The following IL1RAPL2 variants were observed in gnomAD, a reference collection of about 807,000 sequenced individuals.
The protein encoded by IL1RAPL2 is X-linked interleukin-1 receptor accessory protein-like 2.
In IL1RAPL2, 3 loss-of-function variants were observed where a neutral mutation model predicts 44.1. The ratio of observed to expected loss-of-function variants is 0.07; its 90% CI spans 0.03 to 0.18. IL1RAPL2 has a LOEUF of 0.18. Ranked by LOEUF, IL1RAPL2 falls within the 10% of genes least tolerant of loss-of-function variation. The probability of loss-of-function intolerance (pLI) is 1.00; values close to 1 mark genes in which losing one functional copy is unlikely to be tolerated. For missense variants in IL1RAPL2, 391 were observed against 496.4 expected (o/e 0.79, Z 2.02); for synonymous variants, 181 against 178.8 (o/e 1.01, Z -0.10).
chrX:105,326,259 G>A (rs1028644148), intron 5 of IL1RAPL2, among the ~76,000 whole-genome samples: 1 of 110,424 alleles, frequency 9.1e-6, no homozygotes, highest in Non-Finnish European at 1.9e-5. Context: ...GTCTCACTAT[G>A]TTGTCCAGGC....
intron 2 of IL1RAPL2, among the ~76,000 whole-genome samples, chrX:104,780,341 T>G (rs1932764103): frequency 8.9e-6 from 1 of 112,227 alleles, no homozygotes; most frequent in South Asian, 3.7e-4. Context: ...CTGGTGTCTC[T>G]GTAATCACAG....
At chrX:105,074,927 T>A (rs2032268783) in intron 2 of IL1RAPL2, among the ~76,000 whole-genome samples, 1 of 111,331 alleles carries the variant, frequency 9.0e-6, no homozygotes, top group Non-Finnish European at 1.9e-5. Context: ...CTTATCAGCT[T>A]GAGGAGATTT....
intron 4 of IL1RAPL2, among the ~76,000 whole-genome samples, chrX:105,265,650 C>T (rs2034396229): frequency 9.0e-6 from 1 of 111,200 alleles, no homozygotes; most frequent in African/African-American, 3.3e-5. Context: ...GAACATAAAG[C>T]AAGCATATCT....
chrX:105,123,304 T>G lies in IL1RAPL2; in HGVS notation c.83-72171T>G, dbSNP rs2032943826. ...TTATTCCTGCAATATTCTTTAAATA[T>G]ATAAGAATTTATTTTCATATCAGGG... On this transcript the variant is annotated intron_variant, in intron 2 of 10. Coordinates refer to ENST00000372582, the MANE Select transcript of IL1RAPL2 (RefSeq NM_017416.2). Among the ~76,000 whole-genome samples, 3 of 111,204 alleles carry G rather than the reference T, an allele frequency of 2.7e-5. No homozygotes were observed. In the South Asian group the frequency reaches 1.1e-3, roughly 42 times the overall value.
At chrX:104,876,278 A>C (rs1373495014) in intron 2 of IL1RAPL2, among the ~76,000 whole-genome samples, 1 of 111,624 alleles carries the variant, frequency 9.0e-6, no homozygotes, top group Non-Finnish European at 1.9e-5. Flanking sequence ...CATTTAGCAC[A>C]TGGACCATGC....
At chrX:105,703,120 T>A (rs771661832) in intron 6 of IL1RAPL2, among the ~76,000 whole-genome samples, 46 of 111,817 alleles carry the variant, frequency 4.1e-4, no homozygotes, top group African/African-American at 1.4e-3. Context: ...GTTTTCTTAA[T>A]CTCAGCACTA....
intron 2 of IL1RAPL2, among the ~76,000 whole-genome samples, chrX:104,895,956 T>C (rs1003995208): frequency 8.9e-6 from 1 of 111,951 alleles, no homozygotes; most frequent in African/African-American, 3.2e-5. Context: ...TTGGCAGCAG[T>C]GACTCTCCAA....
At chrX:105,272,138 G>C (rs765969382) in intron 5 of IL1RAPL2, among the ~76,000 whole-genome samples, 1 of 85,945 alleles carries the variant, frequency 1.2e-5, no homozygotes, top group Non-Finnish European at 2.3e-5. Flanking sequence ...GTGGTGGGGT[G>C]GGGGGAGGGG....
chrX:104,971,358 T>C (rs929821155), intron 2 of IL1RAPL2, among the ~76,000 whole-genome samples: 1 of 110,494 alleles, frequency 9.1e-6, no homozygotes, highest in Non-Finnish European at 1.9e-5. Flanking sequence ...AAAAAATAAA[T>C]AAAATAAAAT....
intron 7 of IL1RAPL2, among the ~76,000 whole-genome samples, chrX:105,738,357 G>A (rs1023987272): frequency 1.8e-5 from 2 of 111,327 alleles, no homozygotes; most frequent in Non-Finnish European, 3.8e-5. Flanking sequence ...TTGAGTTAAT[G>A]ATTTGTAAAG....
chrX:104,783,907 C>T (rs946204979), intron 2 of IL1RAPL2, among the ~76,000 whole-genome samples: 5 of 110,612 alleles, frequency 4.5e-5, no homozygotes, highest in Non-Finnish European at 9.4e-5. Context: ...TGAACCGTTC[C>T]AACAAGATCT....
chrX:104,709,465 C>G (rs1038521545), intron 2 of IL1RAPL2, among the ~76,000 whole-genome samples: 3 of 110,001 alleles, frequency 2.7e-5, no homozygotes, highest in Non-Finnish European at 5.7e-5. Flanking sequence ...TATATGTTAC[C>G]TCTCTCCTGT....
chrX:105,108,381 A>G (rs746844882), intron 2 of IL1RAPL2, among the ~76,000 whole-genome samples: 14 of 111,151 alleles, frequency 1.3e-4, no homozygotes, highest in Non-Finnish European at 7.5e-5. Context: ...CCCAGGCTGG[A>G]GTACAGTGGC....
At chrX:104,666,814 G>A (rs1460669226) in intron 2 of IL1RAPL2, among the ~76,000 whole-genome samples, 1 of 111,458 alleles carries the variant, frequency 9.0e-6, no homozygotes, top group Non-Finnish European at 1.9e-5. Flanking sequence ...CTGTAGTTTG[G>A]TCCCTGGAGA....
chrX:105,650,501 T>G (rs929329342), intron 6 of IL1RAPL2, among the ~76,000 whole-genome samples: 2 of 112,013 alleles, frequency 1.8e-5, no homozygotes, highest in Non-Finnish European at 1.9e-5. Context: ...CTGGGGAAAA[T>G]GCTTGATATT....
intron 2 of IL1RAPL2, among the ~76,000 whole-genome samples, chrX:105,020,169 G>A (rs370607794): frequency 5.4e-5 from 6 of 110,248 alleles, no homozygotes; most frequent in South Asian, 3.9e-4. Context: ...AGATTGGTGG[G>A]GGGGAGGGTC....
intron 1 of IL1RAPL2, among the ~76,000 whole-genome samples, chrX:104,582,719 T>TTCTC (rs759634601): frequency 1.3e-4 from 12 of 95,397 alleles, no homozygotes; most frequent in Non-Finnish European, 2.5e-4. Flanking sequence ...ATTTCTTTCT[T>TTCTC]TCTCTCTCTC....
chrX:104,864,667 C>A (rs779161959), intron 2 of IL1RAPL2, among the ~76,000 whole-genome samples: 2 of 111,577 alleles, frequency 1.8e-5, no homozygotes, highest in South Asian at 7.8e-4. Flanking sequence ...TGGGTGGGCA[C>A]CATCTAAATC....
At chrX:105,439,691 G>A (rs1199864061) in intron 5 of IL1RAPL2, among the ~76,000 whole-genome samples, 2 of 111,544 alleles carry the variant, frequency 1.8e-5, no homozygotes, top group Non-Finnish European at 3.8e-5. Flanking sequence ...GCACTGCATG[G>A]GATGGATAAT....
Sources: allele counts gnomAD v4.1 joint callset (sites outside exome capture counted in the v4.1 genomes callset), GRCh38; gene constraint gnomAD v4.1.1; transcripts MANE v1.5; gene names NCBI Gene and HGNC (gene_info 2026-07-23, HGNC 2026-07-21).